FRMPD4: variants seen among roughly 807,000 people sequenced by gnomAD.
FRMPD4 encodes FERM and PDZ domain-containing protein 4.
A neutral mutation model predicts 94.1 loss-of-function variants in FRMPD4; 22 were observed. The ratio of observed to expected loss-of-function variants is 0.23; its 90% confidence interval spans 0.17 to 0.33. The LOEUF is 0.33. FRMPD4 is among the 10% of genes least tolerant of loss of function. The pLI is 1.00. For missense variants in FRMPD4, 1,111 were observed against 1,339.9 expected (o/e 0.83, Z 2.67); for synonymous variants, 631 against 548.6 (o/e 1.15, Z -2.10).
intron 1 of FRMPD4, among the ~76,000 whole-genome samples, chrX:12,374,235 T>C: frequency 8.9e-6 from 1 of 112,215 alleles, no homozygotes; most frequent in East Asian, 2.8e-4. Context: ...TTGATAAGTT[T>C]AGGAGTCAGG....
intron 1 of FRMPD4, among the ~76,000 whole-genome samples, chrX:12,231,048 A>AT (rs1387528584): frequency 0.015 from 471 of 31,778 alleles, 6 homozygotes; most frequent in African/African-American, 0.045. Flanking sequence ...ATATATATAT[A>AT]AAATATATAT....
In FRMPD4 at chrX:12,449,602, TTCTC is replaced by T. The variant is rs1242268144; in HGVS notation, c.42-49074_42-49071del. Among the ~76,000 whole-genome samples the T allele has an allele frequency of 3.6e-5, 4 of 112,373 alleles. No homozygotes were observed. The East Asian group carries it at 8.3e-4, about 23-fold the overall frequency. On this transcript the variant is annotated intron_variant, in intron 1 of 16. Coordinates refer to ENST00000675598, the MANE Select transcript of FRMPD4 (RefSeq NM_001368397.1). The stretch of plus-strand genomic sequence containing the variant: ...ATTTAGTACAGGATAAAGATTGTTG[TTCTC>T]TCTGTTTATGATAACTTTAGCCAGT...
intron 3 of FRMPD4, among the ~76,000 whole-genome samples, chrX:11,900,717 C>T (rs1002633938): frequency 6.3e-5 from 7 of 111,542 alleles, no homozygotes; most frequent in African/African-American, 2.3e-4. Context: ...AATGGTAGCC[C>T]TGGAGTGTCT....
intron 3 of FRMPD4, among the ~76,000 whole-genome samples, chrX:11,914,018 A>T (rs2054010104): frequency 8.9e-6 from 1 of 112,368 alleles, no homozygotes; most frequent in African/African-American, 3.2e-5. Flanking sequence ...AGAGTTTCCA[A>T]TACATCCTAG....
intron 1 of FRMPD4, among the ~76,000 whole-genome samples, chrX:12,191,337 A>G (rs1041402234): frequency 8.9e-6 from 1 of 112,085 alleles, no homozygotes; most frequent in African/African-American, 3.2e-5. Context: ...ACATTTTGGC[A>G]TTTTCTTACA....
At chrX:12,243,970 A>AT (rs1317711654) in intron 1 of FRMPD4, among the ~76,000 whole-genome samples, 8 of 106,883 alleles carry the variant, frequency 7.5e-5, no homozygotes, top group African/African-American at 2.7e-4. Flanking sequence ...TAATTTTTTA[A>AT]TTTTTTGTAG....
At chrX:11,887,483 A>G (rs1162128066) in intron 3 of FRMPD4, among the ~76,000 whole-genome samples, 2 of 111,755 alleles carry the variant, frequency 1.8e-5, no homozygotes, top group Non-Finnish European at 3.8e-5. Context: ...ACTTCCCTCC[A>G]TCCTCTGCCT....
At chrX:12,505,370 A>AG (rs1602041427) in intron 2 of FRMPD4, among the ~76,000 whole-genome samples, 2 of 111,486 alleles carry the variant, frequency 1.8e-5, no homozygotes, top group Admixed American at 1.9e-4. Context: ...GCTGAGCTTA[A>AG]GAGGACATGG....
chrX:11,891,214 C>CT (rs1442713462), intron 3 of FRMPD4, among the ~76,000 whole-genome samples: 2 of 112,033 alleles, frequency 1.8e-5, no homozygotes, highest in Non-Finnish European at 3.8e-5. Flanking sequence ...TAACAGGTGG[C>CT]TTATGGATAA....
intron 3 of FRMPD4, among the ~76,000 whole-genome samples, chrX:12,078,375 A>G (rs1401610825): frequency 1.8e-5 from 2 of 112,345 alleles, no homozygotes; most frequent in Non-Finnish European, 3.8e-5. Flanking sequence ...AAGGGATTCT[A>G]CAAGAATGGA....
intron 1 of FRMPD4, among the ~76,000 whole-genome samples, chrX:12,350,431 A>G (rs1427604264): frequency 8.9e-6 from 1 of 111,944 alleles, no homozygotes; most frequent in Non-Finnish European, 1.9e-5. Flanking sequence ...CAGAAGATAA[A>G]GCACCAGATT....
rs763780355 is a variant in FRMPD4, at chrX:12,171,406, T to C, written c.41+32394T>C. ...TCAAAATGAGGCATAAAGCTTTTGA[T>C]TTTCTCATCCTTTGCTTTTCTGAGA... is the stretch of plus-strand genomic sequence containing the variant. On this transcript the variant is annotated intron_variant, in intron 1 of 16. Transcript: ENST00000675598. 4.5e-5 allele frequency among the ~76,000 whole-genome samples: 5 copies of C among 112,289 alleles called. No homozygotes were observed. In the East Asian group the frequency reaches 1.1e-3, roughly 25 times the overall value.
At position 12,717,894 on chromosome X, in the gene FRMPD4, G is replaced by A. The variant is rs1208068583; in HGVS notation, c.3068G>A (p.Cys1023Tyr). Reference sequence around the variant, plus strand: ...CACATGGGGTCGGTGGCATACTCCTGCACTAGCAAAAGGAAAAGCAAGCTG... The same window carrying A: ...CACATGGGGTCGGTGGCATACTCCTACACTAGCAAAAGGAAAAGCAAGCTG... ...KLHMGSVAYS[C>Y]TSKRKSKLAD... The change falls in exon 16 of 17, where the codon TGC becomes TAC. Residue 1023 changes from cysteine (C) to tyrosine (Y), a missense_variant. Physicochemically the swap from Cys to Tyr is radical, Grantham distance 194. Coordinates refer to ENST00000675598, the MANE Select transcript of FRMPD4 (RefSeq NM_001368397.1). 5.0e-6 allele frequency: 6 copies of A among 1,210,305 alleles called. No homozygotes were observed. The highest frequency in any genetic ancestry group is 6.7e-6 in the Non-Finnish European group (6 of 895,149).
At chrX:12,600,936 A>G (rs2059079285) in intron 2 of FRMPD4, among the ~76,000 whole-genome samples, 2 of 112,115 alleles carry the variant, frequency 1.8e-5, no homozygotes, top group Admixed American at 1.9e-4. Flanking sequence ...CTCATTGTTG[A>G]ATTTTTTAAA....
chrX:11,843,133 T>TA (rs1431398069), intron 1 of FRMPD4, among the ~76,000 whole-genome samples: 1 of 112,213 alleles, frequency 8.9e-6, no homozygotes, highest in Non-Finnish European at 1.9e-5. Flanking sequence ...ATATACTTTC[T>TA]ATTCCTAAGC....
intron 3 of FRMPD4, among the ~76,000 whole-genome samples, chrX:12,085,514 G>T (rs948911443): frequency 9.0e-6 from 1 of 111,022 alleles, no homozygotes; most frequent in African/African-American, 3.3e-5. Flanking sequence ...CTCCAGCCTG[G>T]TCAACAGAGC....
chrX:12,213,159 G>A (rs1378029627), intron 1 of FRMPD4, among the ~76,000 whole-genome samples: 5 of 111,338 alleles, frequency 4.5e-5, no homozygotes, highest in African/African-American at 1.3e-4. Context: ...CTGACTTCTC[G>A]GGTTCTAGAG....
intron 3 of FRMPD4, among the ~76,000 whole-genome samples, chrX:11,974,037 G>A (rs975556471): frequency 2.7e-5 from 3 of 111,726 alleles, no homozygotes; most frequent in Non-Finnish European, 3.8e-5. Flanking sequence ...GAGTGGTTTC[G>A]AGTGGAACTC....
At chrX:12,289,944 G>A (rs2054660227) in intron 1 of FRMPD4, among the ~76,000 whole-genome samples, 3 of 112,114 alleles carry the variant, frequency 2.7e-5, no homozygotes, top group Admixed American at 1.9e-4. Flanking sequence ...AGTGCAGAAT[G>A]AGGAGGGCAG....
Sources: gnomAD v4.1 joint callset for allele counts (sites outside exome capture counted in the v4.1 genomes callset) on GRCh38, gnomAD v4.1.1 for gene constraint, MANE v1.5 for transcripts, NCBI Gene and HGNC (gene_info 2026-07-23, HGNC 2026-07-21) for gene names.